ACAP1: variants seen among roughly 807,000 people sequenced by gnomAD.
ACAP1 encodes arf-GAP with coiled-coil, ANK repeat and PH domain-containing protein 1.
ACAP1 carries 45 observed loss-of-function variants against 98.8 expected under a neutral mutation model. The observed-to-expected ratio is 0.46, with a 90% CI of 0.36 to 0.58. The LOEUF (loss-of-function observed/expected upper bound fraction) is 0.58, where lower values mean the gene tolerates loss of function less well. Ranked by LOEUF, ACAP1 falls within the 20% of genes least tolerant of loss-of-function variation. The pLI, the probability that ACAP1 is intolerant of heterozygous loss-of-function variation, is 0.00. For synonymous variants in ACAP1, 362 were observed against 375.3 expected (o/e 0.96, Z 0.41); for missense variants, 735 against 971.4 (o/e 0.76, Z 3.24).
chr17:7,342,260 C>T lies in ACAP1; in HGVS notation c.232-15C>T, dbSNP rs368106797. The T allele has an allele frequency of 6.2e-7, 1 of 1,613,816 alleles. No homozygotes were observed. The highest frequency in any genetic ancestry group is 1.3e-5 in the African/African-American group (1 of 74,914). On this transcript the variant is annotated splice_polypyrimidine_tract_variant and intron_variant, in intron 3 of 21. Coordinates refer to ENST00000158762, the MANE Select transcript of ACAP1 (RefSeq NM_014716.4). ...CCCCATGCCTGGTACTCTTTCTGTG[C>T]CTCTTCTTGCCTAGGAGTGTCTGGA...
At chr17:7,338,233 C>T (rs978335518) in intron 2 of ACAP1, among the ~76,000 whole-genome samples, 3 of 152,026 alleles carry the variant, frequency 2.0e-5, no homozygotes, top group Non-Finnish European at 4.4e-5. Context: ...GAGACCTCAT[C>T]TCTACAAATA....
Position 7,348,510 on chromosome 17 carries a change from C to G in ACAP1, c.1678+35C>G. ...TGGTTGGGCATTCATTGAGCATCTG[C>G]TGTGTGCTCGGCATCGTGCCAGGTA... On this transcript the variant is annotated intron_variant, in intron 17 of 21. Transcript: ENST00000158762. 3.4e-6 allele frequency: 5 copies of G among 1,449,580 alleles called. No homozygotes were observed. In the South Asian group the frequency reaches 7.5e-5, roughly 22 times the overall value. 89.8% of individuals were successfully genotyped at this position (1,449,580 alleles called of 1,614,324 possible). A position where few individuals can be genotyped will look rare whatever the true frequency, so the allele number is the denominator to read the frequency against.
chr17:7,340,557 C>T (rs552066029), intron 2 of ACAP1, among the ~76,000 whole-genome samples: 6 of 152,160 alleles, frequency 3.9e-5, no homozygotes, highest in Non-Finnish European at 7.3e-5. Context: ...GATTTGATCT[C>T]GGTCAGGCCA....
chr17:7,339,878 C>T (rs1402923758), intron 2 of ACAP1, among the ~76,000 whole-genome samples: 1 of 152,094 alleles, frequency 6.6e-6, no homozygotes, highest in African/African-American at 2.4e-5. Context: ...CTCCATCTCT[C>T]TACTTTTGTC....
intron 2 of ACAP1, among the ~76,000 whole-genome samples, chr17:7,337,777 C>A (rs537658224): frequency 3.9e-5 from 6 of 152,244 alleles, no homozygotes; most frequent in African/African-American, 1.4e-4. Context: ...TCACTTGAAC[C>A]TGGGAGGCGG....
In ACAP1 at chr17:7,347,031, G is replaced by T. The variant is rs780387671; in HGVS notation, c.1132G>T (p.Gly378Cys). 1 of 1,579,512 alleles carries T rather than the reference G, an allele frequency of 6.3e-7. No individual in the cohort carries two copies. The highest frequency in any genetic ancestry group is 2.3e-5 in the East Asian group (1 of 44,352). ...LDDSPRGPGQ[G>C]SGHLAIGSAA... The stretch of plus-strand genomic sequence containing the variant: ...CCCTTTCTTCCCCTCTCTCCCCCAG[G>T]GCTCAGGACACCTGGCCATAGGCTC... Residue 378 changes from glycine to cysteine, a missense_variant and splice_region_variant, in exon 14 of 22, where the codon GGC (glycine) becomes TGC (cysteine). This residue lies in a region of ACAP1 where 430 missense variants were observed against 531.8 expected (regional missense o/e 0.81). Coordinates refer to ENST00000158762, the MANE Select transcript of ACAP1 (RefSeq NM_014716.4).
chr17:7,346,265 C>T lies in ACAP1; in HGVS notation c.876C>T (p.Ser292=). Residue 292 remains serine, a synonymous_variant, in exon 11 of 22, where the codon AGC becomes AGT. Coordinates refer to ENST00000158762, the MANE Select transcript of ACAP1 (RefSeq NM_014716.4). ...TWSRRWFTIQ[S]NQLVYQKKYK... ...ACAGACGCTGGTTCACCATTCAGAG[C>T]AACCAACTGGTTTACCAGAAGAAGT... 1.2e-6 allele frequency: 2 copies of T among 1,614,210 alleles called. No individual in the cohort carries two copies. Among genetic ancestry groups the T allele is most frequent in the South Asian group, 1.1e-5 (1 of 91,084 alleles).
Position 7,348,175 on chromosome 17 carries a change from C to A in ACAP1, c.1462C>A (p.Arg488Ser), listed in dbSNP as rs371306170. 1.2e-6 allele frequency: 2 copies of A among 1,613,858 alleles called. No homozygotes were observed. Among genetic ancestry groups the A allele is most frequent in the Non-Finnish European group, 1.7e-6 (2 of 1,179,952 alleles). Residue 488 changes from arginine (R) to serine (S), a missense_variant, in exon 16 of 22, where the codon CGC (arginine) becomes AGC (serine). Physicochemically the swap from Arg to Ser is moderately radical, Grantham distance 110 (BLOSUM62 -1). Around this residue, in one of 5 missense-constraint regions of ACAP1, gnomAD observed 81 missense variants for 132.0 expected, o/e 0.61. Transcript: ENST00000158762. ...NVIINQIYEARVEAMAVKKPG... is the reference protein window; with the variant it reads ...NVIINQIYEASVEAMAVKKPG... ...CATCATCAACCAGATCTATGAGGCC[C>A]GCGTGGAGGCCATGGCAGTGAAGAA...
rs1488220859 is a variant in ACAP1 at position 7,347,569 on chromosome 17, C to A, written c.1343+327C>A. On this transcript the variant is annotated intron_variant, in intron 14 of 21. Coordinates refer to ENST00000158762, the MANE Select transcript of ACAP1 (RefSeq NM_014716.4). ...CAGAGAAACGGTCATGAGGCCTTAG[C>A]AAGTATCTAAGGCCCTCGCCCCCCA... 14 of 519,036 alleles carry A rather than the reference C, an allele frequency of 2.7e-5. 1 individual carries two copies. The highest frequency in any genetic ancestry group is 4.5e-5 in the Non-Finnish European group (13 of 289,410). The allele number at this position is 519,036 out of a possible 1,614,324, so 32.2% of individuals were successfully genotyped here. A position where few individuals can be genotyped will look rare whatever the true frequency, so the allele number is the denominator to read the frequency against.
In ACAP1 at chr17:7,348,471, G is replaced by A; in HGVS notation, c.1674G>A (p.Lys558=). 1 of 1,476,868 alleles carries A rather than the reference G, an allele frequency of 6.8e-7. No individual in the cohort carries two copies. The highest frequency in any genetic ancestry group is 1.4e-5 in the South Asian group (1 of 70,120). 91.5% of individuals were successfully genotyped at this position (1,476,868 alleles called of 1,614,324 possible). The change falls in exon 17 of 22, where the codon AAG becomes AAA. Residue 558 remains lysine, a synonymous_variant. Transcript: ENST00000158762. ...CCCGGCCAGGGAGCTTGAGATCCAA[G>A]CCAGGTATAGGGTTGGTTGGGCATT... ...IRPRPGSLRS[K]PEPPSEDLGS...
rs377436653 is a variant in ACAP1, at chr17:7,343,929, C to A, written c.642C>A (p.Ser214=). The A allele has an allele frequency of 1.2e-6, 2 of 1,602,416 alleles. No homozygotes were observed. Among genetic ancestry groups the A allele is most frequent in the African/African-American group, 2.7e-5 (2 of 74,608 alleles). The change falls in exon 8 of 22, where the codon TCC becomes TCA. Residue 214 remains serine (S), a synonymous_variant. Transcript: ENST00000158762. The surrounding 1 kb of genome is among the most constrained non-coding windows in gnomAD (Gnocchi z 4.9). ...QQGHEELSRL[S]QYRKELGAQL... is the part of the protein sequence containing the mutation. ...GCCATGAGGAGCTGAGCCGGCTGTC[C>A]CAGTATCGAAAGGAGCTGGGCGCCC...
rs368692143 is a variant in ACAP1, at chr17:7,346,421, C to T, written c.937C>T (p.Arg313Cys). ...DPVTVVVDDL[R>C]LCTVKLCPDS... is the part of the protein sequence containing the mutation. The stretch of plus-strand genomic sequence containing the variant: ...TGTGACTGTGGTGGTGGATGACCTT[C>T]GTCTCTGCACAGTGAAACTCTGCCC... Residue 313 changes from arginine to cysteine, a missense_variant, in exon 12 of 22, where the codon CGT becomes TGT. By Grantham distance (180) the Arg-to-Cys change is radical. Transcript: ENST00000158762. 12 of 1,613,712 alleles carry T rather than the reference C, an allele frequency of 7.4e-6. No homozygotes were observed. The highest frequency in any genetic ancestry group is 4.4e-5 in the South Asian group (4 of 91,048).
rs749897144 is a variant in ACAP1, at chr17:7,336,702, A to G, written c.-33A>G. On this transcript the variant is annotated 5_prime_UTR_variant, in exon 1 of 22. Coordinates refer to ENST00000158762, the MANE Select transcript of ACAP1 (RefSeq NM_014716.4). ...CTGCATCCCCAGGGGCCCGGCCTCC[A>G]GGGCCCGCTGGCCCCACAGCAGGCA... 1.6e-5 allele frequency: 25 copies of G among 1,612,796 alleles called. No individual in the cohort carries two copies. The African/African-American group carries it at 3.1e-4, about 20-fold the overall frequency.
intron 2 of ACAP1, among the ~76,000 whole-genome samples, chr17:7,337,809 G>A (rs1317965519): frequency 3.9e-5 from 6 of 151,980 alleles, no homozygotes; most frequent in Admixed American, 1.3e-4. Flanking sequence ...AGCCAAGATC[G>A]CACCACTGCA....
intron 2 of ACAP1, 83 bp downstream of exon 2, chr17:7,337,452 G>A (rs1365378377): frequency 9.7e-6 from 12 of 1,239,128 alleles, no homozygotes; most frequent in Non-Finnish European, 1.3e-5. Context: ...GACACAGAAT[G>A]CATCCCAGGG....
chr17:7,350,175 C>T lies in ACAP1; in HGVS notation c.2010C>T (p.Asp670=), dbSNP rs753083279. ...GGGGAGCTGATCTGGGGGCTCGAGACTCTGAAGGCAGGGACCCTCTGACCA... is the reference window on the plus strand; with the variant it reads ...GGGGAGCTGATCTGGGGGCTCGAGATTCTGAAGGCAGGGACCCTCTGACCA... The part of the protein sequence containing the change: ...LKRGADLGAR[D]SEGRDPLTIA... Residue 670 remains aspartate (D), a synonymous_variant, in exon 20 of 22, where the codon GAC becomes GAT. Transcript: ENST00000158762. This position sits in a 1 kb window ranked among gnomAD's most constrained non-coding sequence, Gnocchi z 4.6. 2 of 1,614,224 alleles carry T rather than the reference C, an allele frequency of 1.2e-6. No individual in the cohort carries two copies. The highest frequency in any genetic ancestry group is 2.2e-5 in the South Asian group (2 of 91,088).
At chr17:7,348,267 G>A in intron 16 of ACAP1, 39 bp from the exon 17 acceptor site, 1 of 1,610,096 alleles carries the variant, frequency 6.2e-7, no homozygotes, top group Non-Finnish European at 8.5e-7. Context: ...GACCCCTGGA[G>A]CAGAAGAGGG....
At chr17:7,337,247 C>T in intron 1 of ACAP1, 65 bp from the exon 2 acceptor site, 1 of 1,517,084 alleles carries the variant, frequency 6.6e-7, no homozygotes, top group Admixed American at 1.7e-5. Flanking sequence ...CGACTCCATC[C>T]CGCCTGATGA....
chr17:7,340,190 T>C (rs1340284244), intron 2 of ACAP1, among the ~76,000 whole-genome samples: 1 of 152,118 alleles, frequency 6.6e-6, no homozygotes, highest in Non-Finnish European at 1.5e-5. Flanking sequence ...GAGGATCCCT[T>C]GAACCCAGGA....
Sources: allele counts gnomAD v4.1 joint callset (sites outside exome capture counted in the v4.1 genomes callset), GRCh38; gene constraint gnomAD v4.1.1; regional missense constraint gnomAD v4.1.1; non-coding constraint Gnocchi (gnomAD v3.1); transcripts MANE v1.5; gene names NCBI Gene and HGNC (gene_info 2026-07-23, HGNC 2026-07-21).